The following SYTL2 variants were observed in gnomAD, a reference collection of about 807,000 sequenced individuals.
SYTL2 encodes synaptotagmin like 2.
In SYTL2, 165 loss-of-function variants were observed where a neutral mutation model predicts 198.7. That is an observed-to-expected ratio of 0.83 (90% CI 0.73 to 0.94). The LOEUF is 0.94. Among genes scored for constraint, SYTL2 ranks in the 40% least tolerant of loss-of-function variants. SYTL2 has a pLI of 0.00. For synonymous variants in SYTL2, 966 were observed against 917.7 expected, an observed-to-expected ratio of 1.05 and a Z score of -0.95; for missense variants, 2,835 against 2,582.8, an observed-to-expected ratio of 1.10 and a Z score of -2.12.
rs80057868 is a variant in SYTL2 at position 85,727,314 on chromosome 11, G to T, written c.2044C>A (p.Gln682Lys). The T allele has an allele frequency of 3.3e-6, 5 of 1,535,598 alleles. No homozygotes were observed. The highest frequency in any genetic ancestry group is 2.7e-5 in the African/African-American group (2 of 72,976). Residue 682 changes from glutamine (Q) to lysine (K), a missense_variant, in exon 8 of 20, where the codon CAA becomes AAA. Around this residue, in one of 3 missense-constraint regions of SYTL2, gnomAD observed 2,645 missense variants for 2,381.7 expected, o/e 1.11. Coordinates refer to ENST00000359152, the MANE Select transcript of SYTL2 (RefSeq NM_206927.4). ...ATATTATTAGTGTTGCATGGAACTTGGTTTTCTGCATCAGATTCCTTGAGA... is the reference window on the plus strand; with the variant it reads ...ATATTATTAGTGTTGCATGGAACTTTGTTTTCTGCATCAGATTCCTTGAGA... ...SVLKESDAEN[Q>K]VPCNTNNIGN...
chr11:85,815,530 T>A (rs1447992634), upstream of SYTL2, among the ~76,000 whole-genome samples: 1 of 152,266 alleles, frequency 6.6e-6, no homozygotes, highest in Admixed American at 6.5e-5. Context: ...TCTTTAATAA[T>A]GCCTTGAACT....
chr11:85,840,985 T>C, the SYTL2 span, among the ~76,000 whole-genome samples: 1 of 152,160 alleles, frequency 6.6e-6, no homozygotes, highest in East Asian at 1.9e-4. Context: ...AACTAACAAA[T>C]TTACAAGCAA....
chr11:85,748,492 C>A, intron 2 of SYTL2, 69 bp from the exon 3 acceptor site: 1 of 1,504,884 alleles, frequency 6.6e-7, no homozygotes, highest in South Asian at 1.2e-5. Context: ...TATGACACCG[C>A]ATAAAGACAT....
At chr11:85,737,113 T>C (rs2153497835) in intron 5 of SYTL2, among the ~76,000 whole-genome samples, 1 of 152,320 alleles carries the variant, frequency 6.6e-6, no homozygotes, top group East Asian at 1.9e-4. Flanking sequence ...TCAATTCTAA[T>C]GATAAAAATG....
chr11:85,734,797 A>T (rs1381829693), intron 6 of SYTL2, 55 bp from the exon 7 acceptor site: 4 of 1,290,700 alleles, frequency 3.1e-6, no homozygotes, highest in Admixed American at 4.6e-5. Context: ...TATATAATTT[A>T]AAATACCTGT....
At chr11:85,792,574 T>C (rs1160504072) in intron 1 of SYTL2, among the ~76,000 whole-genome samples, 1 of 151,738 alleles carries the variant, frequency 6.6e-6, no homozygotes, top group African/African-American at 2.4e-5. Context: ...CAGAAGCAAA[T>C]GATTAATAAA....
At chr11:85,729,513 G>T (rs1346820027) in intron 7 of SYTL2, among the ~76,000 whole-genome samples, 1 of 152,130 alleles carries the variant, frequency 6.6e-6, no homozygotes, top group African/African-American at 2.4e-5. Context: ...CGAAATAAAG[G>T]CAGAAATAAA....
In SYTL2 at chr11:85,724,927, C is replaced by T. The variant is rs1239441425; in HGVS notation, c.4431G>A (p.Gln1477=). Residue 1477 remains glutamine (Q), a synonymous_variant, in exon 8 of 20, where the codon CAG becomes CAA. Coordinates refer to ENST00000359152, the MANE Select transcript of SYTL2 (RefSeq NM_206927.4). ...IVAQYGKGLP[Q]EVEEIVRETI... ...TTTCCCTCACAATTTCTTCCACTTC[C>T]TGAGGGAGGCCTTTGCCATATTGAG... 20 of 1,614,084 alleles carry T rather than the reference C, an allele frequency of 1.2e-5. No homozygotes were observed. The highest frequency in any genetic ancestry group is 1.6e-5 in the Non-Finnish European group (19 of 1,179,998).
At chr11:85,738,480 T>C (rs1349658912) in intron 4 of SYTL2, among the ~76,000 whole-genome samples, 1 of 152,086 alleles carries the variant, frequency 6.6e-6, no homozygotes, top group Non-Finnish European at 1.5e-5. Context: ...TAGGAATGTA[T>C]AATGGAGCCC....
chr11:85,837,866 AC>A, the SYTL2 span, among the ~76,000 whole-genome samples: 418 of 152,248 alleles, frequency 2.7e-3, 2 homozygotes, highest in Non-Finnish European at 1.9e-3. Flanking sequence ...TTTCCAAACC[AC>A]GCTTTCTCAA....
At chr11:85,802,662 G>A (rs2092907863) in intron 1 of SYTL2, among the ~76,000 whole-genome samples, 1 of 152,158 alleles carries the variant, frequency 6.6e-6, no homozygotes, top group Non-Finnish European at 1.5e-5. Flanking sequence ...AAAGAGAAGG[G>A]AAGAGAGAAA....
At chr11:85,832,537 A>C in the SYTL2 span, among the ~76,000 whole-genome samples, 1 of 152,194 alleles carries the variant, frequency 6.6e-6, no homozygotes, top group African/African-American at 2.4e-5. Flanking sequence ...ATATAACTAC[A>C]CAAATAATTG....
rs561254464 is a variant in SYTL2 at position 85,737,452 on chromosome 11, A to T, written c.471+123T>A. The T allele has an allele frequency of 2.0e-4, 140 of 700,464 alleles. 1 individual carries two copies. The highest frequency in any genetic ancestry group is 4.2e-4 in the Admixed American group (15 of 35,676). 43.4% of individuals were successfully genotyped at this position (700,464 alleles called of 1,614,324 possible). On this transcript the variant is annotated intron_variant, in intron 5 of 19. Transcript: ENST00000359152. ...GTGACTTCTTAAAATAGTGAAAATTACCTGTATTTGGTACCAAAAAACTGT... is the reference window on the plus strand; with the variant it reads ...GTGACTTCTTAAAATAGTGAAAATTTCCTGTATTTGGTACCAAAAAACTGT...
chr11:85,777,746 A>G (rs2092477264), intron 1 of SYTL2, among the ~76,000 whole-genome samples: 1 of 151,200 alleles, frequency 6.6e-6, no homozygotes, highest in South Asian at 2.1e-4. Context: ...CTTCAGACAC[A>G]AGAAGAGTAA....
At chr11:85,832,998 A>G in the SYTL2 span, among the ~76,000 whole-genome samples, 2 of 106,558 alleles carry the variant, frequency 1.9e-5, no homozygotes, top group Admixed American at 1.1e-4. Flanking sequence ...CCTGTCTCAA[A>G]AAAAAAAGAA....
intron 1 of SYTL2, among the ~76,000 whole-genome samples, chr11:85,785,247 C>G (rs2092618557): frequency 6.6e-6 from 1 of 152,058 alleles, no homozygotes; most frequent in Admixed American, 6.6e-5. Context: ...TTTTGTAATT[C>G]TCAACAAAAC....
chr11:85,839,853 C>T, the SYTL2 span, among the ~76,000 whole-genome samples: 1 of 152,262 alleles, frequency 6.6e-6, no homozygotes, highest in Middle Eastern at 3.4e-3. Flanking sequence ...TTTTGAGGAA[C>T]CTCCAAACTG....
intron 2 of SYTL2, among the ~76,000 whole-genome samples, chr11:85,754,701 G>T (rs2091753605): frequency 6.6e-6 from 1 of 152,064 alleles, no homozygotes; most frequent in Non-Finnish European, 1.5e-5. Context: ...TTATGATCAT[G>T]CCCACTCTGA....
rs530145820 is a variant in SYTL2 at position 85,806,020 on chromosome 11, A to T, written c.-390+4934T>A. ...TGGTTTTGTAGGTTGCAGGTAGTTC[A>T]CATAGGTGAAGAAGTCACTGCAGTA... On this transcript the variant is annotated intron_variant, in intron 1 of 19. Transcript: ENST00000359152. Among the ~76,000 whole-genome samples the T allele has an allele frequency of 1.3e-5, 2 of 152,262 alleles. 1 individual carries two copies. Among genetic ancestry groups the T allele is most frequent in the South Asian group, 4.1e-4 (2 of 4,832 alleles).
Sources: allele counts gnomAD v4.1 joint callset (sites outside exome capture counted in the v4.1 genomes callset), GRCh38; gene constraint gnomAD v4.1.1; regional missense constraint gnomAD v4.1.1; transcripts MANE v1.5; gene names NCBI Gene and HGNC (gene_info 2026-07-23, HGNC 2026-07-21).